C1orf94: variants seen among roughly 807,000 people sequenced by gnomAD.
The protein encoded by C1orf94 is uncharacterized protein C1orf94.
Under a neutral mutation model 53.6 loss-of-function variants are expected in C1orf94, and 45 were observed. That is an observed-to-expected ratio of 0.84 (90% CI 0.66 to 1.08). The LOEUF (loss-of-function observed/expected upper bound fraction) is 1.08. Among genes scored for constraint, C1orf94 ranks in the 50% least tolerant of loss-of-function variants. The pLI, the probability that C1orf94 is intolerant of heterozygous loss-of-function variation, is 0.00. For missense variants in C1orf94, 762 were observed against 738.9 expected (o/e 1.03, Z -0.36); for synonymous variants, 304 against 296.1 (o/e 1.03, Z -0.27).
intron 1 of C1orf94, among the ~76,000 whole-genome samples, chr1:34,194,974 G>A (rs1207853119): frequency 3.3e-5 from 5 of 152,218 alleles, no homozygotes; most frequent in South Asian, 2.1e-4. Context: ...ACTTGAGACC[G>A]CAGATTGGCA....
At chr1:34,179,662 G>A (rs1182116679) in intron 1 of C1orf94, among the ~76,000 whole-genome samples, 1 of 152,208 alleles carries the variant, frequency 6.6e-6, no homozygotes, top group African/African-American at 2.4e-5. Context: ...AATGTGATGG[G>A]AGACAGGGAA....
At chr1:34,203,640 G>A (rs1272900607) in intron 4 of C1orf94, among the ~76,000 whole-genome samples, 1 of 152,142 alleles carries the variant, frequency 6.6e-6, no homozygotes, top group Non-Finnish European at 1.5e-5. Context: ...AGGTGGCTTG[G>A]CACACATTCT....
intron 2 of C1orf94, among the ~76,000 whole-genome samples, chr1:34,199,037 G>C (rs115484020): frequency 6.9e-6 from 1 of 145,692 alleles, no homozygotes; most frequent in Non-Finnish European, 1.5e-5. Context: ...CTGTGTGTAC[G>C]AATGTGTGAG....
chr1:34,202,003 AAGG>A (rs1374283213), intron 3 of C1orf94, 78 bp from the exon 4 acceptor site: 21 of 1,432,128 alleles, frequency 1.5e-5, no homozygotes, highest in Non-Finnish European at 2.0e-5. Context: ...GTGAATCCCT[AAGG>A]AAGTTGCGAT....
chr1:34,202,059 G>T (rs373137811), intron 3 of C1orf94, 25 bp from the exon 4 acceptor site: 1 of 1,607,508 alleles, frequency 6.2e-7, no homozygotes, highest in South Asian at 1.1e-5. Context: ...TCACTGACCC[G>T]CTTTGCCTCT....
chr1:34,197,733 G>A lies in C1orf94; in HGVS notation c.829G>A (p.Gly277Ser). 2 of 1,614,140 alleles carry A rather than the reference G, an allele frequency of 1.2e-6. No individual in the cohort carries two copies. Among genetic ancestry groups the A allele is most frequent in the Non-Finnish European group, 8.5e-7 (1 of 1,180,010 alleles). ...CTTCCTACAGGACAACCTGTTCAGT[G>A]GCCCTGGACCCAAGGAGCCCACAGG... Reference protein sequence around the residue: ...KDFLQDNLFSGPGPKEPTGLS... With the variant: ...KDFLQDNLFSSPGPKEPTGLS... The change falls in exon 2 of 7, where the codon GGC becomes AGC. Residue 277 changes from glycine to serine, a missense_variant. Physicochemically the swap from Gly to Ser is moderately conservative, Grantham distance 56. Transcript: ENST00000488417. The surrounding 1 kb of genome is among the most constrained non-coding windows in gnomAD (Gnocchi z 4.1).
chr1:34,209,283 C>T (rs1642851521), intron 5 of C1orf94, among the ~76,000 whole-genome samples: 1 of 132,608 alleles, frequency 7.5e-6, no homozygotes, highest in Admixed American at 7.9e-5. Context: ...AAGAGAAATG[C>T]AAACACACAC....
At chr1:34,208,312 C>CT in intron 5 of C1orf94, 78 bp downstream of exon 5, 1 of 1,406,646 alleles carries the variant, frequency 7.1e-7, no homozygotes, top group African/African-American at 1.4e-5. Context: ...CTCCCTCCTC[C>CT]TTTTCCAGCT....
At position 34,209,321 on chromosome 1, in the gene C1orf94, T is replaced by C. The variant is rs540276021; in HGVS notation, c.1524+1087T>C. The stretch of plus-strand genomic sequence containing the variant: ...ACACACACACACACACACACACACA[T>C]GCAGACAGAAACACAGGTATAGTTG... On this transcript the variant is annotated intron_variant, in intron 5 of 6. Coordinates refer to ENST00000488417, the MANE Select transcript of C1orf94 (RefSeq NM_001134734.2). Among the ~76,000 whole-genome samples, 904 of 111,548 alleles carry C rather than the reference T, an allele frequency of 8.1e-3. 6 individuals are homozygous for C. Among genetic ancestry groups the C allele is most frequent in the African/African-American group, 0.036 (802 of 22,134 alleles). 73.2% of individuals were successfully genotyped at this position (111,548 alleles called of 152,430 possible).
At chr1:34,204,649 T>C (rs891856051) in intron 4 of C1orf94, among the ~76,000 whole-genome samples, 1 of 152,212 alleles carries the variant, frequency 6.6e-6, no homozygotes, top group Non-Finnish European at 1.5e-5. Context: ...TATGTATTTA[T>C]TTACTCATTA....
upstream of C1orf94, among the ~76,000 whole-genome samples, chr1:34,173,625 A>G (rs1023996649): frequency 2.6e-5 from 4 of 152,242 alleles, no homozygotes; most frequent in Non-Finnish European, 5.9e-5. Context: ...TAGCCAAGCT[A>G]TTATAAGCAC....
At chr1:34,174,428 T>C (rs947183847), upstream of C1orf94, among the ~76,000 whole-genome samples, 3 of 152,264 alleles carry the variant, frequency 2.0e-5, no homozygotes, top group Admixed American at 2.0e-4. Flanking sequence ...AGAAATCAAA[T>C]GTTGTGGGCT....
chr1:34,208,232 C>T lies in C1orf94; in HGVS notation c.1522C>T (p.Gln508Ter). The stretch of plus-strand genomic sequence containing the variant: ...CCCGCAGCTGGGATGTTACTCCCAA[C>T]AGGTGAGTAGACGATCTCTCCTCCT... ...LHPQLGCYSQ[Q>*]VMPYNPQQMG... The change falls in exon 5 of 7, where the codon CAG (glutamine) becomes TAG (stop). Residue 508 changes from glutamine (Q) to a stop codon, truncating the protein, a stop_gained and splice_region_variant. Transcript: ENST00000488417. LOFTEE classifies it high-confidence loss of function. The T allele has an allele frequency of 1.2e-6, 2 of 1,613,712 alleles. No individual in the cohort carries two copies. The highest frequency in any genetic ancestry group is 8.5e-7 in the Non-Finnish European group (1 of 1,179,832).
chr1:34,171,861 C>T (rs1033066219), intron 1 of C1orf94, among the ~76,000 whole-genome samples: 5 of 152,194 alleles, frequency 3.3e-5, no homozygotes, highest in African/African-American at 1.2e-4. Context: ...TAAGGATACC[C>T]AGTTTTATTG....
intron 5 of C1orf94, among the ~76,000 whole-genome samples, chr1:34,208,552 A>G (rs1449758821): frequency 6.6e-6 from 1 of 152,242 alleles, no homozygotes; most frequent in East Asian, 1.9e-4. Flanking sequence ...CAGAGAGATT[A>G]AGTAAGTAAC....
chr1:34,216,347 C>T (rs967521231), intron 6 of C1orf94, among the ~76,000 whole-genome samples: 3 of 151,776 alleles, frequency 2.0e-5, no homozygotes, highest in Admixed American at 1.3e-4. Flanking sequence ...GTAGAGGCTG[C>T]GGAGATGTGG....
chr1:34,194,844 A>G (rs1334878317), intron 1 of C1orf94, among the ~76,000 whole-genome samples: 1 of 152,228 alleles, frequency 6.6e-6, no homozygotes, highest in Non-Finnish European at 1.5e-5. Context: ...CTATTGGTGT[A>G]TGGCTTGCTT....
At chr1:34,217,587 TAA>T (rs1557492791) in intron 6 of C1orf94, among the ~76,000 whole-genome samples, 1 of 152,156 alleles carries the variant, frequency 6.6e-6, no homozygotes, top group African/African-American at 2.4e-5. Context: ...ATGAAATAGG[TAA>T]AGTCTCTGCT....
Position 34,201,954 on chromosome 1 carries a change from G to A in C1orf94, c.1271-130G>A, listed in dbSNP as rs72888168. On this transcript the variant is annotated intron_variant, in intron 3 of 6. Coordinates refer to ENST00000488417, the MANE Select transcript of C1orf94 (RefSeq NM_001134734.2). Reference sequence around the variant, plus strand: ...GTTGGAAATGTACTAGAACTTTGAAGAACCCTCTTGGAGCTTAAAGGACCT... The same window carrying A: ...GTTGGAAATGTACTAGAACTTTGAAAAACCCTCTTGGAGCTTAAAGGACCT... 2.7e-3 allele frequency: 2,239 copies of A among 822,432 alleles called. 44 individuals are homozygous for A. In the African/African-American group the frequency reaches 0.035, roughly 13 times the overall value. 50.9% of individuals were successfully genotyped at this position (822,432 alleles called of 1,614,324 possible). A position where few individuals can be genotyped will look rare whatever the true frequency, so the allele number is the denominator to read the frequency against.
Sources: allele counts gnomAD v4.1 joint callset (sites outside exome capture counted in the v4.1 genomes callset), GRCh38; gene constraint gnomAD v4.1.1; non-coding constraint Gnocchi (gnomAD v3.1); transcripts MANE v1.5; gene names NCBI Gene and HGNC (gene_info 2026-07-23, HGNC 2026-07-21).